RABGAP1L: variants seen among roughly 807,000 people sequenced by gnomAD.
RABGAP1L encodes the protein RAB GTPase activating protein 1 like, also known as rab GTPase-activating protein 1-like.
RABGAP1L carries 63 observed loss-of-function variants against 137.7 expected under a neutral mutation model. The ratio of observed to expected loss-of-function variants is 0.46; its 90% confidence interval spans 0.37 to 0.56. The LOEUF (loss-of-function observed/expected upper bound fraction) is 0.56. Among genes scored for constraint, RABGAP1L ranks in the 20% least tolerant of loss-of-function variants. RABGAP1L has a pLI of 0.00. For synonymous variants in RABGAP1L, 431 were observed against 433.7 expected (o/e 0.99, Z 0.08); for missense variants, 1,095 against 1,244.0 (o/e 0.88, Z 1.80).
At position 174,757,509 on chromosome 1, in the gene RABGAP1L, TTATAAA is replaced by T. The variant is rs1229156056; in HGVS notation, c.2211+5167_2211+5172del. On this transcript the variant is annotated intron_variant, in intron 18 of 25. Transcript: ENST00000681986. ...CACCTTTATGGAAATCAAAAGCAAG[TTATAAA>T]TATAAATATAATATATAAATATATA... is the stretch of plus-strand genomic sequence containing the variant. Among the ~76,000 whole-genome samples the T allele has an allele frequency of 6.7e-5, 10 of 149,082 alleles. No homozygotes were observed. In the South Asian group the frequency reaches 1.3e-3, roughly 19 times the overall value.
intron 19 of RABGAP1L, among the ~76,000 whole-genome samples, chr1:174,942,939 A>C (rs368753560): frequency 6.6e-6 from 1 of 152,286 alleles, no homozygotes; most frequent in East Asian, 1.9e-4. Flanking sequence ...AGCAGAAACT[A>C]TCTTCTTTGT....
intron 13 of RABGAP1L, among the ~76,000 whole-genome samples, chr1:174,624,328 AT>A (rs1342080455): frequency 2.0e-5 from 3 of 152,098 alleles, no homozygotes; most frequent in African/African-American, 7.2e-5. Flanking sequence ...CATTGCCCAT[AT>A]AGTTTTTTTT....
chr1:174,487,547 A>G (rs1365297525), intron 13 of RABGAP1L, among the ~76,000 whole-genome samples: 1 of 152,148 alleles, frequency 6.6e-6, no homozygotes, highest in African/African-American at 2.4e-5. Context: ...TGTAGGCAAC[A>G]GATCATTGAG....
At chr1:174,813,559 AAAGT>A (rs1232391351) in intron 19 of RABGAP1L, among the ~76,000 whole-genome samples, 2 of 152,246 alleles carry the variant, frequency 1.3e-5, no homozygotes, top group African/African-American at 2.4e-5. Context: ...AAGTACACTG[AAAGT>A]AAGTAACTGG....
intron 13 of RABGAP1L, among the ~76,000 whole-genome samples, chr1:174,582,673 T>C (rs1429188671): frequency 6.6e-6 from 1 of 152,188 alleles, no homozygotes; most frequent in Non-Finnish European, 1.5e-5. Flanking sequence ...TGCGTGGCAA[T>C]TCAGAGGTAA....
chr1:174,164,974 G>A (rs995204085), intron 1 of RABGAP1L, among the ~76,000 whole-genome samples: 1 of 152,178 alleles, frequency 6.6e-6, no homozygotes, highest in Non-Finnish European at 1.5e-5. Flanking sequence ...CTCACTTAGT[G>A]TGTATAAGGG....
intron 13 of RABGAP1L, among the ~76,000 whole-genome samples, chr1:174,490,975 C>T (rs1660167421): frequency 6.6e-6 from 1 of 152,092 alleles, no homozygotes; most frequent in Admixed American, 6.5e-5. Flanking sequence ...TGGTGGGCTC[C>T]CCTCTGGCCC....
At chr1:174,685,032 A>C (rs1678355650) in intron 15 of RABGAP1L, among the ~76,000 whole-genome samples, 1 of 152,126 alleles carries the variant, frequency 6.6e-6, no homozygotes, top group Non-Finnish European at 1.5e-5. Context: ...TAAATGAGAG[A>C]TGTTGAGAAC....
intron 4 of RABGAP1L, among the ~76,000 whole-genome samples, chr1:174,240,147 C>A (rs996327550): frequency 6.6e-6 from 1 of 152,188 alleles, no homozygotes; most frequent in African/African-American, 2.4e-5. Flanking sequence ...GGGTTGTCCC[C>A]TTACCCTCAG....
chr1:174,673,488 A>T, intron 14 of RABGAP1L, among the ~76,000 whole-genome samples: 1 of 152,210 alleles, frequency 6.6e-6, no homozygotes, highest in East Asian at 1.9e-4. Flanking sequence ...AGATGCTATC[A>T]GGTACCTGAG....
chr1:174,330,802 A>T (rs1680966497), intron 11 of RABGAP1L, among the ~76,000 whole-genome samples: 1 of 152,208 alleles, frequency 6.6e-6, no homozygotes, highest in African/African-American at 2.4e-5. Context: ...TTCTATCAAA[A>T]TTCCAATGAC....
intron 19 of RABGAP1L, among the ~76,000 whole-genome samples, chr1:174,915,130 A>T (rs1276848325): frequency 6.6e-6 from 1 of 152,172 alleles, no homozygotes; most frequent in Admixed American, 6.5e-5. Flanking sequence ...TAATGCTCCT[A>T]TGAATGTTCC....
intron 19 of RABGAP1L, among the ~76,000 whole-genome samples, chr1:174,874,143 A>G (rs1396448896): frequency 1.3e-5 from 2 of 152,220 alleles, no homozygotes; most frequent in Non-Finnish European, 2.9e-5. Context: ...TTTTATTCAT[A>G]AACATTTTCT....
rs116673535 is a variant in RABGAP1L, at chr1:174,499,161, G to A, written c.1710+105016G>A. On this transcript the variant is annotated intron_variant, in intron 13 of 25. Transcript: ENST00000681986. ...TACCACATATAATGCATTATGATAT[G>A]GGGAGTGGCTTACAGTTCATATATT... Among the ~76,000 whole-genome samples the A allele has an allele frequency of 7.4e-3, 1,124 of 151,824 alleles. 10 individuals carry two copies. The highest frequency in any genetic ancestry group is 0.011 in the Non-Finnish European group (716 of 67,930).
chr1:174,257,284 A>G (rs1357010264), intron 7 of RABGAP1L, among the ~76,000 whole-genome samples: 1 of 152,204 alleles, frequency 6.6e-6, no homozygotes, highest in Non-Finnish European at 1.5e-5. Flanking sequence ...GTTATTTTAA[A>G]ATCTTGGACT....
At chr1:174,762,963 C>T (rs917844454) in intron 18 of RABGAP1L, among the ~76,000 whole-genome samples, 22 of 151,636 alleles carry the variant, frequency 1.5e-4, no homozygotes, top group African/African-American at 2.4e-4. Context: ...TACAGGCATG[C>T]GCCGCCACAC....
At position 174,612,658 on chromosome 1, in the gene RABGAP1L, A is replaced by C. The variant is rs1255693530; in HGVS notation, c.1711-24717A>C. Among the ~76,000 whole-genome samples, 4 of 152,318 alleles carry C rather than the reference A, an allele frequency of 2.6e-5. No individual in the cohort carries two copies. In the East Asian group the frequency reaches 5.8e-4, roughly 22 times the overall value. On this transcript the variant is annotated intron_variant, in intron 13 of 25. Coordinates refer to ENST00000681986, the MANE Select transcript of RABGAP1L (RefSeq NM_001366446.1). Reference sequence around the variant, plus strand: ...ACCAGTTACTCCTTGTACCTCTGGTAGAATTCGGCTGTGAATCCATCTGGT... The same window carrying C: ...ACCAGTTACTCCTTGTACCTCTGGTCGAATTCGGCTGTGAATCCATCTGGT...
At chr1:174,341,517 A>T (rs1681970205) in intron 11 of RABGAP1L, among the ~76,000 whole-genome samples, 1 of 152,158 alleles carries the variant, frequency 6.6e-6, no homozygotes, top group Non-Finnish European at 1.5e-5. Flanking sequence ...TGAAAACTTG[A>T]CCGCTTACTC....
intron 4 of RABGAP1L, among the ~76,000 whole-genome samples, chr1:174,238,264 C>A (rs1231161636): frequency 1.3e-5 from 2 of 152,214 alleles, no homozygotes; most frequent in Non-Finnish European, 2.9e-5. Flanking sequence ...GCCTTCTTCT[C>A]TCAGCTCGTC....
Sources: allele counts gnomAD v4.1 joint callset (sites outside exome capture counted in the v4.1 genomes callset), GRCh38; gene constraint gnomAD v4.1.1; transcripts MANE v1.5; gene names NCBI Gene and HGNC (gene_info 2026-07-23, HGNC 2026-07-21).